FAM20B: variants seen among roughly 807,000 people sequenced by gnomAD.
The protein encoded by FAM20B is FAM20B glycosaminoglycan xylosylkinase, also known as glycosaminoglycan xylosylkinase.
A neutral mutation model predicts 43.8 loss-of-function variants in FAM20B; 23 were observed. That is an observed-to-expected ratio of 0.53 (90% CI 0.38 to 0.74). FAM20B has a LOEUF of 0.74. Among genes scored for constraint, FAM20B ranks in the 30% least tolerant of loss-of-function variants. FAM20B has a pLI of 0.00. For missense variants in FAM20B, 440 were observed against 510.5 expected (o/e 0.86, Z 1.33); for synonymous variants, 178 against 192.4 (o/e 0.93, Z 0.62).
At chr1:179,069,967 A>G (rs1651845126) in intron 7 of FAM20B, among the ~76,000 whole-genome samples, 1 of 152,172 alleles carries the variant, frequency 6.6e-6, no homozygotes, top group Non-Finnish European at 1.5e-5. Context: ...ATTTTAAATA[A>G]AAGATATGCT....
intron 4 of FAM20B, among the ~76,000 whole-genome samples, chr1:179,058,329 C>T (rs186716267): frequency 3.2e-4 from 48 of 152,258 alleles, no homozygotes; most frequent in African/African-American, 1.1e-3. Flanking sequence ...ACGGTTTGCT[C>T]CCTGCCATCA....
At chr1:179,035,896 G>C (rs900533544) in intron 1 of FAM20B, among the ~76,000 whole-genome samples, 1 of 152,168 alleles carries the variant, frequency 6.6e-6, no homozygotes, top group Non-Finnish European at 1.5e-5. Flanking sequence ...TTGGGGGGCT[G>C]AGGTGGGCAG....
intron 1 of FAM20B, among the ~76,000 whole-genome samples, chr1:179,039,943 CATG>C (rs1471492414): frequency 6.6e-6 from 1 of 152,104 alleles, no homozygotes; most frequent in African/African-American, 2.4e-5. Flanking sequence ...TCTTAACGAG[CATG>C]CTGCCTTCAA....
Position 179,054,486 on chromosome 1 carries a change from C to T in FAM20B, c.465-43C>T, listed in dbSNP as rs1189032339. The T allele has an allele frequency of 2.5e-6, 3 of 1,220,002 alleles. No homozygotes were observed. In the South Asian group the frequency reaches 3.7e-5, roughly 15 times the overall value. 75.6% of individuals were successfully genotyped at this position (1,220,002 alleles called of 1,614,324 possible). A position where few individuals can be genotyped will look rare whatever the true frequency, so the allele number is the denominator to read the frequency against. On this transcript the variant is annotated intron_variant, in intron 3 of 7. Transcript: ENST00000263733. ...TTTAAGACTGTTACTTAAAAAACAT[C>T]CCCTAAGATTTTTCTCTTCTGTTCT...
chr1:179,048,460 G>A (rs1327824797), intron 2 of FAM20B, among the ~76,000 whole-genome samples: 1 of 152,108 alleles, frequency 6.6e-6, no homozygotes, highest in African/African-American at 2.4e-5. Flanking sequence ...ATTTTACTCT[G>A]CGCAGCCTTT....
In FAM20B at chr1:179,072,319, A is replaced by G. The variant is rs1651958124; in HGVS notation, c.*175A>G. 1.7e-6 allele frequency: 1 copy of G among 598,448 alleles called. No homozygotes were observed. Among genetic ancestry groups the G allele is most frequent in the Non-Finnish European group, 3.0e-6 (1 of 337,768 alleles). The allele number at this position is 598,448 out of a possible 1,614,324, so 37.1% of individuals were successfully genotyped here. A position where few individuals can be genotyped will look rare whatever the true frequency, so the allele number is the denominator to read the frequency against. On this transcript the variant is annotated 3_prime_UTR_variant, in exon 8 of 8. Transcript: ENST00000263733. Reference sequence around the variant, plus strand: ...AGTAGAAACTAAAGCAAAGACCACAAGTTTCAGAGCATGGAGACATTCCTG... The same window carrying G: ...AGTAGAAACTAAAGCAAAGACCACAGGTTTCAGAGCATGGAGACATTCCTG...
intron 1 of FAM20B, among the ~76,000 whole-genome samples, chr1:179,041,691 A>AGGGAG (rs1553204093): frequency 1.2e-5 from 1 of 83,274 alleles, no homozygotes; most frequent in Non-Finnish European, 2.3e-5. Context: ...GGAGAGGGAG[A>AGGGAG]CGGGAGACGG....
chr1:179,020,043 C>G, the FAM20B span, among the ~76,000 whole-genome samples: 1 of 152,176 alleles, frequency 6.6e-6, no homozygotes, highest in Non-Finnish European at 1.5e-5. Flanking sequence ...GGTCACCTCC[C>G]TGTGCCACAA....
chr1:179,028,605 A>G (rs1360760887), intron 1 of FAM20B, among the ~76,000 whole-genome samples: 1 of 152,136 alleles, frequency 6.6e-6, no homozygotes, highest in Admixed American at 6.5e-5. Context: ...AACAACAACA[A>G]CAACAGAAGG....
chr1:179,067,416 C>A (rs1651735379), intron 7 of FAM20B, among the ~76,000 whole-genome samples: 1 of 152,140 alleles, frequency 6.6e-6, no homozygotes, highest in South Asian at 2.1e-4. Flanking sequence ...ACCAGCCTGG[C>A]CAACATGGCG....
chr1:179,022,159 C>T (rs1649614094), upstream of FAM20B, among the ~76,000 whole-genome samples: 1 of 152,102 alleles, frequency 6.6e-6, no homozygotes, highest in Non-Finnish European at 1.5e-5. Context: ...AGGAGTTTTC[C>T]CTGTTAGGAA....
At position 179,076,052 on chromosome 1, in the gene FAM20B, A is replaced by C. The variant is rs1475125818; in HGVS notation, c.*3908A>C. ...GGAACACTGACTTTCTGAAGGATTC[A>C]GAAAGAACCTTAGTGAAAGGTTCTC... On this transcript the variant is annotated 3_prime_UTR_variant, in exon 8 of 8. Transcript: ENST00000263733. The C allele has an allele frequency of 6.6e-6, 1 of 152,216 alleles. No individual in the cohort carries two copies. The highest frequency in any genetic ancestry group is 1.5e-5 in the Non-Finnish European group (1 of 68,022). The allele number at this position is 152,216 out of a possible 1,614,324, so 9.4% of individuals were successfully genotyped here.
At chr1:179,044,886 CAA>C (rs1650700506) in intron 2 of FAM20B, among the ~76,000 whole-genome samples, 1 of 152,312 alleles carries the variant, frequency 6.6e-6, no homozygotes, top group East Asian at 1.9e-4. Context: ...AACTATCTTC[CAA>C]AGTAGCTGTA....
intron 2 of FAM20B, among the ~76,000 whole-genome samples, chr1:179,049,052 A>G (rs1004665200): frequency 6.6e-6 from 1 of 152,218 alleles, no homozygotes; most frequent in African/African-American, 2.4e-5. Context: ...GATTCAGGAA[A>G]TGCAGGAGAC....
intron 1 of FAM20B, chr1:179,035,472 G>C: frequency 1.4e-6 from 1 of 700,958 alleles, no homozygotes. Flanking sequence ...GAAGCACATA[G>C]GCATTGAAGA....
At chr1:179,023,869 A>G (rs1318620715), upstream of FAM20B, among the ~76,000 whole-genome samples, 1 of 152,158 alleles carries the variant, frequency 6.6e-6, no homozygotes, top group Non-Finnish European at 1.5e-5. Flanking sequence ...TAGTCATGTA[A>G]ACGCCCTTCT....
At position 179,075,178 on chromosome 1, in the gene FAM20B, CGAGACTCTG is replaced by C. The variant is rs2102534726; in HGVS notation, c.*3035_*3043del. The stretch of plus-strand genomic sequence containing the variant: ...CTGCACTCCAGCCTGGGAGACAGAG[CGAGACTCTG>C]TCTTAAAAAAAAAAAAAGGAGGTGA... On this transcript the variant is annotated 3_prime_UTR_variant, in exon 8 of 8. Transcript: ENST00000263733. 1 of 149,472 alleles carries C rather than the reference CGAGACTCTG, an allele frequency of 6.7e-6. No individual in the cohort carries two copies. Among genetic ancestry groups the C allele is most frequent in the African/African-American group, 2.5e-5 (1 of 40,444 alleles). The allele number at this position is 149,472 out of a possible 1,614,324, so 9.3% of individuals were successfully genotyped here.
chr1:179,055,921 A>C (rs1651197980), intron 4 of FAM20B, among the ~76,000 whole-genome samples: 2 of 152,232 alleles, frequency 1.3e-5, no homozygotes, highest in Non-Finnish European at 2.9e-5. Flanking sequence ...TAAAGTTCTT[A>C]ATAATCGTCT....
At chr1:179,018,779 A>G in the FAM20B span, among the ~76,000 whole-genome samples, 1 of 152,188 alleles carries the variant, frequency 6.6e-6, no homozygotes, top group Non-Finnish European at 1.5e-5. Context: ...AACCAATAGG[A>G]TCTATGTATA....
Sources: gnomAD v4.1 joint callset for allele counts (sites outside exome capture counted in the v4.1 genomes callset) on GRCh38, gnomAD v4.1.1 for gene constraint, MANE v1.5 for transcripts, NCBI Gene and HGNC (gene_info 2026-07-23, HGNC 2026-07-21) for gene names.